The following DNAH5 variants were observed in gnomAD, a reference collection of about 807,000 sequenced individuals.
DNAH5 encodes dynein axonemal heavy chain 5, also known as axonemal beta dynein heavy chain 5.
Under a neutral mutation model 518.2 loss-of-function variants are expected in DNAH5, and 372 were observed. That is an observed-to-expected ratio of 0.72 (90% confidence interval 0.66 to 0.78). The LOEUF is 0.78. Ranked by LOEUF, DNAH5 falls within the 30% of genes least tolerant of loss-of-function variation. The pLI is 0.00. For synonymous variants in DNAH5, 2,039 were observed against 2,025.9 expected, an observed-to-expected ratio of 1.01 and a Z score of -0.17; for missense variants, 5,523 against 5,687.0, an observed-to-expected ratio of 0.97 and a Z score of 0.93.
At chr5:13,713,763 A>T (rs1221200796) in intron 75 of DNAH5, among the ~76,000 whole-genome samples, 1 of 151,946 alleles carries the variant, frequency 6.6e-6, no homozygotes, top group Non-Finnish European at 1.5e-5. Flanking sequence ...TGATGGGTTC[A>T]CCAATATCTC....
At chr5:13,694,790 C>T (rs1163241877) in intron 78 of DNAH5, among the ~76,000 whole-genome samples, 6 of 152,140 alleles carry the variant, frequency 3.9e-5, no homozygotes, top group Non-Finnish European at 7.4e-5. Flanking sequence ...AGACAGTTCA[C>T]TCTTAACATA....
In DNAH5 at chr5:13,691,866, G is replaced by A; in HGVS notation, c.*118C>T. 2 of 1,233,510 alleles carry A rather than the reference G, an allele frequency of 1.6e-6. No individual in the cohort carries two copies. The highest frequency in any genetic ancestry group is 1.2e-6 in the Non-Finnish European group (1 of 854,136). The allele number at this position is 1,233,510 out of a possible 1,614,324, so 76.4% of individuals were successfully genotyped here. ...TTAAGGAGTGGGGAAAACCTATGCA[G>A]CTCATTAATTGCATAAACGACCTAA... On this transcript the variant is annotated 3_prime_UTR_variant, in exon 79 of 79. Coordinates refer to ENST00000265104, the MANE Select transcript of DNAH5 (RefSeq NM_001369.3).
At chr5:13,713,463 A>G (rs1355194451) in intron 75 of DNAH5, among the ~76,000 whole-genome samples, 4 of 127,690 alleles carry the variant, frequency 3.1e-5, no homozygotes, top group African/African-American at 1.4e-4. Flanking sequence ...ATATATATAT[A>G]TATACACACA....
chr5:13,709,689 T>C (rs1386479093), intron 75 of DNAH5, among the ~76,000 whole-genome samples: 1 of 152,116 alleles, frequency 6.6e-6, no homozygotes, highest in African/African-American at 2.4e-5. Flanking sequence ...GGTCTGCTCC[T>C]GCAGGACTCA....
rs1741972132 is a variant in DNAH5, at chr5:13,700,650, T to C, written c.13713A>G (p.Ala4571=). 2.5e-6 allele frequency: 4 copies of C among 1,614,154 alleles called. No individual in the cohort carries two copies. The highest frequency in any genetic ancestry group is 1.1e-5 in the South Asian group (1 of 91,084). The change falls in exon 78 of 79, where the codon GCA becomes GCG. Residue 4571 remains alanine, a synonymous_variant. Coordinates refer to ENST00000265104, the MANE Select transcript of DNAH5 (RefSeq NM_001369.3). ...TACAAGACAACTTACTATTGTTTTC[T>C]GCATAAATCCTTATGACAGGCATCA... is the stretch of plus-strand genomic sequence containing the variant. ...FELMPVIRIY[A]ENNTLRDPRF...
At position 13,916,679 on chromosome 5, in the gene DNAH5, T is replaced by C. The variant is rs556118190; in HGVS notation, c.1090-224A>G. Among the ~76,000 whole-genome samples the C allele has an allele frequency of 4.7e-4, 71 of 152,214 alleles. 1 individual carries two copies. The highest frequency in any genetic ancestry group is 1.6e-3 in the African/African-American group (67 of 41,566). ...CAGTGGAAGAAACATTGACCCACTG[T>C]TAATGACAAGCAACAGCAAGTTAAC... On this transcript the variant is annotated intron_variant, in intron 8 of 78. Coordinates refer to ENST00000265104, the MANE Select transcript of DNAH5 (RefSeq NM_001369.3).
In DNAH5 at chr5:13,766,142, A is replaced by G. The variant is rs1167438636; in HGVS notation, c.9935T>C (p.Leu3312Ser). 2 of 1,614,226 alleles carry G rather than the reference A, an allele frequency of 1.2e-6. No homozygotes were observed. Among genetic ancestry groups the G allele is most frequent in the Non-Finnish European group, 1.7e-6 (2 of 1,180,016 alleles). ...CATGATGAGGTGAGGGGGGCGGCCC[A>G]ACGTGCGAACAGTGGCGATGTCCGA... ...RPSDIATVRT[L>S]GRPPHLIMRI... The change falls in exon 59 of 79, where the codon TTG (leucine) becomes TCG (serine). Residue 3312 changes from leucine to serine, a missense_variant. Coordinates refer to ENST00000265104, the MANE Select transcript of DNAH5 (RefSeq NM_001369.3).
intron 21 of DNAH5, among the ~76,000 whole-genome samples, chr5:13,882,323 C>T (rs1169929869): frequency 4.0e-5 from 6 of 151,252 alleles, no homozygotes; most frequent in East Asian, 1.9e-4. Flanking sequence ...AGCATTACCC[C>T]GATACCAAAG....
At chr5:13,918,846 C>A (rs1776940436) in intron 7 of DNAH5, among the ~76,000 whole-genome samples, 1 of 152,134 alleles carries the variant, frequency 6.6e-6, no homozygotes, top group Non-Finnish European at 1.5e-5. Context: ...AAAATAAATA[C>A]AGATAGGGTG....
At chr5:13,791,657 T>C (rs1019617898) in intron 50 of DNAH5, among the ~76,000 whole-genome samples, 7 of 152,214 alleles carry the variant, frequency 4.6e-5, no homozygotes, top group African/African-American at 1.4e-4. Flanking sequence ...GTAAAATCCA[T>C]AGCGATTGTT....
intron 42 of DNAH5, among the ~76,000 whole-genome samples, chr5:13,815,709 T>C (rs1030088305): frequency 2.0e-5 from 3 of 151,974 alleles, no homozygotes; most frequent in African/African-American, 4.8e-5. Flanking sequence ...GGGAGAGGTA[T>C]ATGAGGGCAG....
At chr5:13,770,403 C>T (rs559327115) in intron 56 of DNAH5, among the ~76,000 whole-genome samples, 4 of 152,228 alleles carry the variant, frequency 2.6e-5, no homozygotes, top group Non-Finnish European at 4.4e-5. Context: ...ATCCTGATGT[C>T]AATCAATATT....
rs187788684 is a variant in DNAH5 at position 13,784,129 on chromosome 5, C to T, written c.8820+2050G>A. Among the ~76,000 whole-genome samples, 321 of 152,274 alleles carry T rather than the reference C, an allele frequency of 2.1e-3. 1 individual carries two copies. The highest frequency in any genetic ancestry group is 3.4e-3 in the Admixed American group (52 of 15,296). On this transcript the variant is annotated intron_variant, in intron 52 of 78. Transcript: ENST00000265104. ...CAGTTCTAGTGAACTTGCTCAAGCACGACACTTAACATAAATAACTGCATC... is the reference window on the plus strand; with the variant it reads ...CAGTTCTAGTGAACTTGCTCAAGCATGACACTTAACATAAATAACTGCATC...
rs1483219840 is a variant in DNAH5 at position 13,707,256 on chromosome 5, T to A, written c.13338+867A>T. Among the ~76,000 whole-genome samples the A allele has an allele frequency of 6.6e-6, 1 of 152,020 alleles. No individual in the cohort carries two copies. Among genetic ancestry groups the A allele is most frequent in the East Asian group, 1.9e-4 (1 of 5,194 alleles). ...AGGGGAAGACCACCTTCCCACTCCA[T>A]CCCCCTTCTGGCTCCCCATCCACCT... is the stretch of plus-strand genomic sequence containing the variant. On this transcript the variant is annotated intron_variant, in intron 76 of 78. Coordinates refer to ENST00000265104, the MANE Select transcript of DNAH5 (RefSeq NM_001369.3). The surrounding 1 kb of genome is among the most constrained non-coding windows in gnomAD (Gnocchi z 4.0).
At chr5:13,756,364 C>T (rs531512809) in intron 61 of DNAH5, among the ~76,000 whole-genome samples, 5 of 152,182 alleles carry the variant, frequency 3.3e-5, no homozygotes, top group Admixed American at 3.3e-4. Flanking sequence ...CGGAATTTGA[C>T]ATTTGTTGAA....
rs973161283 is a variant in DNAH5 at position 13,829,638 on chromosome 5, T to C, written c.6316A>G (p.Met2106Val). The change falls in exon 38 of 79, where the codon ATG (methionine) becomes GTG (valine). Residue 2106 changes from methionine (M) to valine (V), a missense_variant. Coordinates refer to ENST00000265104, the MANE Select transcript of DNAH5 (RefSeq NM_001369.3). ...ATAATCTGACGGTCAGGCACCATCA[T>C]GGCCACTGAGCGGAAATTAATCTTC... is the stretch of plus-strand genomic sequence containing the variant. ...NLKINFRSVA[M>V]MVPDRQIIIR... The C allele has an allele frequency of 1.1e-5, 18 of 1,614,110 alleles. No individual in the cohort carries two copies. Among genetic ancestry groups the C allele is most frequent in the African/African-American group, 2.7e-5 (2 of 74,944 alleles).
intron 35 of DNAH5, among the ~76,000 whole-genome samples, chr5:13,838,466 C>T (rs1258401782): frequency 6.6e-6 from 1 of 152,058 alleles, no homozygotes; most frequent in Non-Finnish European, 1.5e-5. Context: ...AGGAGCACAA[C>T]CTTTATTATG....
intron 43 of DNAH5, among the ~76,000 whole-genome samples, chr5:13,813,090 G>A (rs1187058297): frequency 6.6e-6 from 1 of 152,132 alleles, no homozygotes; most frequent in Non-Finnish European, 1.5e-5. Flanking sequence ...AACTCTCAGA[G>A]CTGGCCTTCC....
In DNAH5 at chr5:13,690,484, T is replaced by C. The variant is rs1740596459; in HGVS notation, c.*1500A>G. 1 of 152,206 alleles carries C rather than the reference T, an allele frequency of 6.6e-6. No individual in the cohort carries two copies. The highest frequency in any genetic ancestry group is 1.9e-4 in the East Asian group (1 of 5,194). 9.4% of individuals were successfully genotyped at this position (152,206 alleles called of 1,614,324 possible). A position where few individuals can be genotyped will look rare whatever the true frequency, so the allele number is the denominator to read the frequency against. On this transcript the variant is annotated 3_prime_UTR_variant, in exon 79 of 79. Transcript: ENST00000265104. ...CACAAGAAAACAGTATCATCTAAGA[T>C]GGTGGGAGTCACAGGAGCCACTCAG...
Sources: allele counts gnomAD v4.1 joint callset (sites outside exome capture counted in the v4.1 genomes callset), GRCh38; gene constraint gnomAD v4.1.1; non-coding constraint Gnocchi (gnomAD v3.1); transcripts MANE v1.5; gene names NCBI Gene and HGNC (gene_info 2026-07-23, HGNC 2026-07-21).